The following MDGA1 variants were observed in gnomAD, a reference collection of about 807,000 sequenced individuals.
MDGA1 encodes MAM domain-containing glycosylphosphatidylinositol anchor protein 1.
In MDGA1, 54 loss-of-function variants were observed where a neutral mutation model predicts 101.5. The ratio of observed to expected loss-of-function variants is 0.53; its 90% CI spans 0.43 to 0.67. The LOEUF (loss-of-function observed/expected upper bound fraction) is 0.67, where lower values mean the gene tolerates loss of function less well. MDGA1 is among the 30% of genes least tolerant of loss of function. The pLI is 0.00. For synonymous variants in MDGA1, 533 were observed against 558.3 expected (o/e 0.95, Z 0.64); for missense variants, 1,083 against 1,323.8 (o/e 0.82, Z 2.82).
Position 37,637,309 on chromosome 6 carries a change from C to T in MDGA1, c.*59G>A. The T allele has an allele frequency of 1.4e-6, 2 of 1,433,166 alleles. No homozygotes were observed. The highest frequency in any genetic ancestry group is 2.0e-6 in the Non-Finnish European group (2 of 1,022,344). The allele number at this position is 1,433,166 out of a possible 1,614,324, so 88.8% of individuals were successfully genotyped here. A position where few individuals can be genotyped will look rare whatever the true frequency, so the allele number is the denominator to read the frequency against. ...AGCTGGCGGGGGTCAGTCTTTGGTA[C>T]AATGTGGACACTTTGGTGTGCCGGG... On this transcript the variant is annotated 3_prime_UTR_variant, in exon 17 of 17. Transcript: ENST00000434837.
rs777216930 is a variant in MDGA1, at chr6:37,654,439, G to A, written c.817C>T (p.Leu273=). The change falls in exon 6 of 17, where the codon CTG becomes TTG. Residue 273 remains leucine, a synonymous_variant. Coordinates refer to ENST00000434837, the MANE Select transcript of MDGA1 (RefSeq NM_153487.4). The part of the protein sequence containing the change: ...LLTGGDPLPQ[L]QWSHGPGPLP... ...GGGCCAGGCCCATGGGACCACTGCA[G>A]CTGGGGGAGGGGATCACCGCCTGTC... 31 of 1,613,906 alleles carry A rather than the reference G, an allele frequency of 1.9e-5. No homozygotes were observed. The Admixed American group carries it at 5.2e-4, about 27-fold the overall frequency.
chr6:37,676,139 T>C (rs1372862139), intron 1 of MDGA1, among the ~76,000 whole-genome samples: 1 of 152,192 alleles, frequency 6.6e-6, no homozygotes, highest in Non-Finnish European at 1.5e-5. Context: ...CTCATGAGTG[T>C]GTCTGCTCTG....
In MDGA1 at chr6:37,678,281, C is replaced by T. The variant is rs1056866461; in HGVS notation, c.68-14175G>A. 4.6e-5 allele frequency among the ~76,000 whole-genome samples: 7 copies of T among 152,166 alleles called. No homozygotes were observed. The South Asian group carries it at 1.4e-3, about 32-fold the overall frequency. ...TTTTCTCCTCCTCCCACACCCCACACCCAATTCACCAGCAAGCTCTGTCGG... is the reference window on the plus strand; with the variant it reads ...TTTTCTCCTCCTCCCACACCCCACATCCAATTCACCAGCAAGCTCTGTCGG... On this transcript the variant is annotated intron_variant, in intron 1 of 16. Transcript: ENST00000434837.
intron 1 of MDGA1, among the ~76,000 whole-genome samples, chr6:37,673,069 A>G (rs1761903897): frequency 6.6e-6 from 1 of 151,946 alleles, no homozygotes; most frequent in Non-Finnish European, 1.5e-5. Context: ...CAAGCCTACT[A>G]TGGTTCGGAC....
chr6:37,668,249 T>TAAAA (rs59059592), intron 1 of MDGA1, among the ~76,000 whole-genome samples: 11 of 129,096 alleles, frequency 8.5e-5, no homozygotes, highest in African/African-American at 2.9e-4. Context: ...AGATTCTGTC[T>TAAAA]AAAAAAAAAA....
At chr6:37,644,053 CCA>C in intron 13 of MDGA1, 110 bp from the exon 14 acceptor site, 1 of 1,390,174 alleles carries the variant, frequency 7.2e-7, no homozygotes, top group African/African-American at 1.5e-5. Flanking sequence ...GTGCCTCGCC[CCA>C]CGCATCCTGC....
chr6:37,638,439 C>T lies in MDGA1; in HGVS notation c.2667+98G>A, dbSNP rs529767885. 2.2e-5 allele frequency: 35 copies of T among 1,575,148 alleles called. No homozygotes were observed. In the South Asian group the frequency reaches 3.5e-4, roughly 16 times the overall value. On this transcript the variant is annotated intron_variant, in intron 15 of 16. Coordinates refer to ENST00000434837, the MANE Select transcript of MDGA1 (RefSeq NM_153487.4). The surrounding 1 kb of genome is among the most constrained non-coding windows in gnomAD (Gnocchi z 4.8). ...TTCCCCCTAACCTGACTCTTTCCAT[C>T]CTTAGCCCCCAGGAAGAAGGACAAG...
chr6:37,651,804 C>A (rs1218993857), intron 7 of MDGA1, among the ~76,000 whole-genome samples: 2 of 152,160 alleles, frequency 1.3e-5, no homozygotes, highest in African/African-American at 4.8e-5. Flanking sequence ...TCTATGAGGG[C>A]AGAGCCTGTT....
intron 1 of MDGA1, among the ~76,000 whole-genome samples, chr6:37,677,685 T>C (rs570830061): frequency 8.8e-4 from 134 of 151,728 alleles, no homozygotes; most frequent in Non-Finnish European, 1.5e-3. Context: ...CTTTTTTTTC[T>C]ATGAAGTTGT....
rs1763938740 is a variant in MDGA1 at position 37,636,806 on chromosome 6, C to CA, written c.*561_*562insT. On this transcript the variant is annotated 3_prime_UTR_variant, in exon 17 of 17. Transcript: ENST00000434837. ...TGCCCTACCTTCCTTGTCTCCTGGA[C>CA]GTGGGACAGTCACAGAGCTCGCAAA... The CA allele has an allele frequency of 6.5e-6, 1 of 152,876 alleles. No individual in the cohort carries two copies. The highest frequency in any genetic ancestry group is 6.5e-5 in the Admixed American group (1 of 15,296). 9.5% of individuals were successfully genotyped at this position (152,876 alleles called of 1,614,324 possible). A position where few individuals can be genotyped will look rare whatever the true frequency, so the allele number is the denominator to read the frequency against.
At chr6:37,644,072 C>T in intron 13 of MDGA1, 129 bp from the exon 14 acceptor site, 1 of 1,096,420 alleles carries the variant, frequency 9.1e-7, no homozygotes, top group Non-Finnish European at 1.2e-6. Flanking sequence ...CTGCCTCACC[C>T]CACGCATCCT....
intron 14 of MDGA1, among the ~76,000 whole-genome samples, 197 bp downstream of exon 14, chr6:37,643,612 T>A (rs1764144982): frequency 6.6e-6 from 1 of 152,170 alleles, no homozygotes; most frequent in Admixed American, 6.5e-5. Context: ...GACACCCTGA[T>A]CATCTCAAAA....
chr6:37,685,408 G>C lies in MDGA1; in HGVS notation c.67+11337C>G, dbSNP rs529873199. ...TCTTTCTGATAAGTTGTTACAGAAA[G>C]TTGAAACAAGGTCAATAGGAAGAAC... is the stretch of plus-strand genomic sequence containing the variant. On this transcript the variant is annotated intron_variant, in intron 1 of 16. Transcript: ENST00000434837. Among the ~76,000 whole-genome samples, 6 of 152,330 alleles carry C rather than the reference G, an allele frequency of 3.9e-5. No individual in the cohort carries two copies. The East Asian group carries it at 1.2e-3, about 29-fold the overall frequency.
intron 1 of MDGA1, among the ~76,000 whole-genome samples, chr6:37,664,583 C>A (rs1199568536): frequency 1.5e-5 from 2 of 133,840 alleles, no homozygotes; most frequent in African/African-American, 5.7e-5. Flanking sequence ...GCCTAGATTA[C>A]CCCCTCTCCC....
chr6:37,695,632 C>G (rs1469876655), intron 1 of MDGA1, among the ~76,000 whole-genome samples: 1 of 152,218 alleles, frequency 6.6e-6, no homozygotes, highest in African/African-American at 2.4e-5. Flanking sequence ...GCACCTGAGG[C>G]TGGCAACCAG....
Position 37,697,042 on chromosome 6 carries a change from C to T in MDGA1, c.-231G>A, listed in dbSNP as rs1469570887. ...GACGCAGGGGGCGCTGGCCCAGCCC[C>T]GGGTGCCTCGGCGCGCCCGGCACAG... On this transcript the variant is annotated 5_prime_UTR_variant, in exon 1 of 17. Coordinates refer to ENST00000434837, the MANE Select transcript of MDGA1 (RefSeq NM_153487.4). 2.4e-6 allele frequency: 1 copy of T among 421,680 alleles called. No homozygotes were observed. The allele number at this position is 421,680 out of a possible 1,614,324, so 26.1% of individuals were successfully genotyped here.
chr6:37,678,091 G>A (rs551143011), intron 1 of MDGA1, among the ~76,000 whole-genome samples: 5 of 152,252 alleles, frequency 3.3e-5, no homozygotes, highest in African/African-American at 9.6e-5. Context: ...GACCTCATTC[G>A]CTTTATGGCC....
chr6:37,662,537 G>A (rs1411436300), intron 2 of MDGA1, among the ~76,000 whole-genome samples: 10 of 151,908 alleles, frequency 6.6e-5, no homozygotes, highest in African/African-American at 2.2e-4. Context: ...TTGGTCAGAT[G>A]AGGTGGGAGG....
intron 1 of MDGA1, among the ~76,000 whole-genome samples, chr6:37,669,828 C>T (rs1032627194): frequency 2.8e-4 from 42 of 152,208 alleles, no homozygotes; most frequent in African/African-American, 8.2e-4. Context: ...ACTGGAGATA[C>T]TGTCATGAAA....
Sources: gnomAD v4.1 joint callset for allele counts (sites outside exome capture counted in the v4.1 genomes callset) on GRCh38, gnomAD v4.1.1 for gene constraint, Gnocchi (gnomAD v3.1) non-coding constraint, MANE v1.5 for transcripts, NCBI Gene and HGNC (gene_info 2026-07-23, HGNC 2026-07-21) for gene names.